The following SPHKAP variants were observed in gnomAD, a reference collection of about 807,000 sequenced individuals.
SPHKAP encodes SPHK1 interactor, AKAP domain containing, also known as A-kinase anchor protein SPHKAP.
In SPHKAP, 67 loss-of-function variants were observed where a neutral mutation model predicts 137.5. The ratio of observed to expected loss-of-function variants is 0.49; its 90% CI spans 0.40 to 0.60. SPHKAP has a LOEUF of 0.60. SPHKAP is among the 20% of genes least tolerant of loss of function. SPHKAP has a pLI of 0.00. For missense variants in SPHKAP, 2,097 were observed against 2,069.3 expected, an observed-to-expected ratio of 1.01 and a Z score of -0.26; for synonymous variants, 813 against 785.3, an observed-to-expected ratio of 1.04 and a Z score of -0.59.
At chr2:228,032,965 A>G (rs1695403843) in intron 3 of SPHKAP, among the ~76,000 whole-genome samples, 1 of 152,232 alleles carries the variant, frequency 6.6e-6, no homozygotes. Context: ...AGAAAACTGC[A>G]TCAACTAACG....
rs779039781 is a variant in SPHKAP, at chr2:228,006,926, G to A, written c.4448+9480C>T. Among the ~76,000 whole-genome samples the A allele has an allele frequency of 3.9e-5, 6 of 152,212 alleles. No homozygotes were observed. In the East Asian group the frequency reaches 5.8e-4, roughly 15 times the overall value. The stretch of plus-strand genomic sequence containing the variant: ...TTTCGTCTCAGAGGGGTACTCAGCC[G>A]TGTGAGGTGTCAGTCTTCCCCTACT... On this transcript the variant is annotated intron_variant, in intron 7 of 11. Transcript: ENST00000392056.
rs1198782318 is a variant in SPHKAP at position 228,021,917 on chromosome 2, C to T, written c.491G>A (p.Arg164Lys). 6.2e-7 allele frequency: 1 copy of T among 1,613,846 alleles called. No homozygotes were observed. The highest frequency in any genetic ancestry group is 8.5e-7 in the Non-Finnish European group (1 of 1,179,854). ...ICLVQCARGNRPNSTNCIIFE... is the reference protein window; with the variant it reads ...ICLVQCARGNKPNSTNCIIFE... Reference sequence around the variant, plus strand: ...GATGATGCAGTTGGTACTGTTTGGTCTGTTCCCTCTTGCACATTGGACCAA... The same window carrying T: ...GATGATGCAGTTGGTACTGTTTGGTTTGTTCCCTCTTGCACATTGGACCAA... Residue 164 changes from arginine (R) to lysine (K), a missense_variant, in exon 6 of 12, where the codon AGA becomes AAA. Arg to Lys is a conservative substitution (Grantham distance 26). Coordinates refer to ENST00000392056, the MANE Select transcript of SPHKAP (RefSeq NM_001142644.2).
chr2:228,151,097 C>T (rs1392669030), intron 1 of SPHKAP, among the ~76,000 whole-genome samples: 1 of 142,794 alleles, frequency 7.0e-6, no homozygotes, highest in African/African-American at 2.6e-5. Flanking sequence ...CCCCACCCCA[C>T]CACAGTCCCC....
chr2:228,173,851 A>T (rs1240560201), intron 1 of SPHKAP, among the ~76,000 whole-genome samples: 1 of 152,232 alleles, frequency 6.6e-6, no homozygotes, highest in Non-Finnish European at 1.5e-5. Flanking sequence ...GTACTTCAAA[A>T]ACCATGGCTA....
In SPHKAP at chr2:227,983,296, A is replaced by C. The variant is rs527709801; in HGVS notation, c.4960-1436T>G. Among the ~76,000 whole-genome samples the C allele has an allele frequency of 7.2e-5, 11 of 152,302 alleles. No individual in the cohort carries two copies. In the East Asian group the frequency reaches 1.9e-3, roughly 27 times the overall value. ...AGCTGTGATGGTACCAACTATTTGC[A>C]CAGTTACAGTAATCAGTGCTTTATT... On this transcript the variant is annotated intron_variant, in intron 11 of 11. Transcript: ENST00000392056.
Position 228,132,079 on chromosome 2 carries a change from C to G in SPHKAP, c.39G>C (p.Leu13Phe). The G allele has an allele frequency of 6.2e-7, 1 of 1,613,614 alleles. No homozygotes were observed. Among genetic ancestry groups the G allele is most frequent in the Non-Finnish European group, 8.5e-7 (1 of 1,179,858 alleles). Residue 13 changes from leucine to phenylalanine, a missense_variant, in exon 2 of 12, where the codon TTG (leucine) becomes TTC (phenylalanine). Physicochemically the swap from Leu to Phe is conservative, Grantham distance 22. Coordinates refer to ENST00000392056, the MANE Select transcript of SPHKAP (RefSeq NM_001142644.2). ...AAACGTCATACATCCGTGATGACTC[C>G]AAGTTGCTGTTTGTGACCCAAAACA... ...GNSLLSVPSNLESSRMYDVLE... is the reference protein window; with the variant it reads ...GNSLLSVPSNFESSRMYDVLE...
intron 1 of SPHKAP, among the ~76,000 whole-genome samples, chr2:228,141,290 C>T (rs1440442578): frequency 3.3e-5 from 5 of 152,168 alleles, no homozygotes; most frequent in Non-Finnish European, 7.3e-5. Flanking sequence ...CTGTAAAATG[C>T]AGATGATAAT....
chr2:228,056,984 T>A (rs1340895115), intron 3 of SPHKAP, among the ~76,000 whole-genome samples: 1 of 152,166 alleles, frequency 6.6e-6, no homozygotes, highest in East Asian at 1.9e-4. Flanking sequence ...GAAAATTGCA[T>A]TAAATATCTG....
At chr2:228,100,064 A>G (rs1361142109) in intron 3 of SPHKAP, among the ~76,000 whole-genome samples, 5 of 151,918 alleles carry the variant, frequency 3.3e-5, no homozygotes, top group Non-Finnish European at 7.4e-5. Context: ...GTTAGCCAGG[A>G]TGGTCTCGAT....
chr2:228,129,170 A>G (rs1386523314), intron 2 of SPHKAP, among the ~76,000 whole-genome samples: 1 of 152,206 alleles, frequency 6.6e-6, no homozygotes, highest in Non-Finnish European at 1.5e-5. Flanking sequence ...GATCACCACA[A>G]TAGATATAAT....
intron 1 of SPHKAP, among the ~76,000 whole-genome samples, chr2:228,151,746 G>A (rs1699939848): frequency 1.3e-5 from 2 of 151,968 alleles, no homozygotes; most frequent in Non-Finnish European, 2.9e-5. Flanking sequence ...TTAATTTCAG[G>A]TCTTATTATC....
At chr2:228,064,937 T>C (rs1696778832) in intron 3 of SPHKAP, among the ~76,000 whole-genome samples, 1 of 152,202 alleles carries the variant, frequency 6.6e-6, no homozygotes, top group South Asian at 2.1e-4. Flanking sequence ...GCATGGTGTT[T>C]GAAGCAAGTA....
In SPHKAP at chr2:228,104,263, TTATATTA is replaced by T. The variant is rs961328823; in HGVS notation, c.246+4562_246+4568del. 2.1e-3 allele frequency among the ~76,000 whole-genome samples: 166 copies of T among 79,528 alleles called. 2 individuals carry two copies. The East Asian group carries it at 0.037, about 18-fold the overall frequency. The allele number at this position is 79,528 out of a possible 152,430, so 52.2% of individuals were successfully genotyped here. ...ATTATATTATATATTATATATATCA[TTATATTA>T]TATATTATATATCATTATATCATAT... On this transcript the variant is annotated intron_variant, in intron 3 of 11. Transcript: ENST00000392056.
intron 1 of SPHKAP, among the ~76,000 whole-genome samples, chr2:228,133,769 A>G (rs1030268275): frequency 2.0e-5 from 3 of 152,370 alleles, no homozygotes; most frequent in African/African-American, 4.8e-5. Context: ...TCAATTAGCC[A>G]TAAGTCACAC....
At chr2:228,020,352 T>C (rs1368597599) in intron 6 of SPHKAP, 196 bp from the exon 7 acceptor site, 2 of 268,576 alleles carry the variant, frequency 7.4e-6, no homozygotes, top group African/African-American at 4.6e-5. Context: ...ATTAAGAAAA[T>C]GTGGTACATA....
intron 3 of SPHKAP, among the ~76,000 whole-genome samples, chr2:228,062,344 C>T (rs1279822399): frequency 6.6e-6 from 1 of 151,906 alleles, no homozygotes; most frequent in Non-Finnish European, 1.5e-5. Flanking sequence ...AGGCTGGTCT[C>T]GAACTCCTGA....
At chr2:228,147,662 A>G (rs1182285024) in intron 1 of SPHKAP, among the ~76,000 whole-genome samples, 1 of 152,158 alleles carries the variant, frequency 6.6e-6, no homozygotes, top group Non-Finnish European at 1.5e-5. Context: ...TCATCTGTGA[A>G]ATGGGACTCA....
intron 1 of SPHKAP, among the ~76,000 whole-genome samples, chr2:228,148,112 G>A (rs910935829): frequency 2.0e-4 from 30 of 152,098 alleles, no homozygotes; most frequent in Non-Finnish European, 7.4e-5. Context: ...GGGTGCTCTC[G>A]TTTTATTGAG....
At chr2:228,137,868 A>G (rs1699484311) in intron 1 of SPHKAP, among the ~76,000 whole-genome samples, 1 of 152,320 alleles carries the variant, frequency 6.6e-6, no homozygotes, top group Non-Finnish European at 1.5e-5. Context: ...AAATTACCCA[A>G]AGTAATTTAC....
Sources: allele counts gnomAD v4.1 joint callset (sites outside exome capture counted in the v4.1 genomes callset), GRCh38; gene constraint gnomAD v4.1.1; transcripts MANE v1.5; gene names NCBI Gene and HGNC (gene_info 2026-07-23, HGNC 2026-07-21).